The following XKR9 variants were observed in gnomAD, a reference collection of about 807,000 sequenced individuals.
XKR9 encodes XK-related protein 9.
A neutral mutation model predicts 32.0 loss-of-function variants in XKR9; 32 were observed. The ratio of observed to expected loss-of-function variants is 1.00; its 90% confidence interval spans 0.76 to 1.34. XKR9 has a LOEUF of 1.34. XKR9 is among the 40% of genes most tolerant of loss of function. The pLI, the probability that XKR9 is intolerant of heterozygous loss-of-function variation, is 0.00. For synonymous variants in XKR9, 168 were observed against 143.4 expected (o/e 1.17, Z -1.22); for missense variants, 546 against 429.7 (o/e 1.27, Z -2.39).
chr8:70,775,496 G>T (rs192832465), intron 2 of XKR9, among the ~76,000 whole-genome samples: 1 of 152,182 alleles, frequency 6.6e-6, no homozygotes, highest in African/African-American at 2.4e-5. Flanking sequence ...CCAGTTTTCT[G>T]AGATTTTAAA....
the XKR9 span, among the ~76,000 whole-genome samples, chr8:70,999,049 G>A: frequency 6.6e-6 from 1 of 152,018 alleles, no homozygotes; most frequent in African/African-American, 2.4e-5. Flanking sequence ...TAAATCTGTT[G>A]GTGAGGCTTT....
the XKR9 span, among the ~76,000 whole-genome samples, chr8:71,007,846 C>T: frequency 2.3e-3 from 342 of 151,312 alleles, 1 homozygote; most frequent in Non-Finnish European, 3.9e-3. Flanking sequence ...ATATTGCATA[C>T]GTAATAAAAA....
chr8:70,741,526 G>A (rs983433335), intron 2 of XKR9, among the ~76,000 whole-genome samples: 5 of 152,188 alleles, frequency 3.3e-5, no homozygotes, highest in African/African-American at 1.2e-4. Flanking sequence ...AGTTCGTTGA[G>A]CATAATGTCT....
the XKR9 span, among the ~76,000 whole-genome samples, chr8:70,899,356 A>G: frequency 6.6e-6 from 1 of 151,628 alleles, no homozygotes; most frequent in Non-Finnish European, 1.5e-5. Context: ...TGAGAAAACA[A>G]GAGAAATTGA....
intron 2 of XKR9, among the ~76,000 whole-genome samples, chr8:70,763,336 C>A (rs1355386984): frequency 6.6e-6 from 1 of 152,086 alleles, no homozygotes; most frequent in African/African-American, 2.4e-5. Context: ...ACTCTTTTGG[C>A]CTTTGTAGAA....
At chr8:70,752,637 A>G (rs1807158392) in intron 2 of XKR9, among the ~76,000 whole-genome samples, 1 of 152,204 alleles carries the variant, frequency 6.6e-6, no homozygotes, top group South Asian at 2.1e-4. Flanking sequence ...CGTCCACATG[A>G]GTTTTGGTGG....
chr8:70,819,544 TC>T, the XKR9 span, among the ~76,000 whole-genome samples: 1 of 152,226 alleles, frequency 6.6e-6, no homozygotes, highest in Non-Finnish European at 1.5e-5. Flanking sequence ...TATGACTCCA[TC>T]ACTTAACAAT....
At chr8:70,858,994 C>T in the XKR9 span, among the ~76,000 whole-genome samples, 2 of 151,842 alleles carry the variant, frequency 1.3e-5, no homozygotes, top group African/African-American at 4.8e-5. Context: ...TTGAGGCAAA[C>T]ATAGACAAAT....
At chr8:70,774,849 GT>G (rs1807498241) in intron 2 of XKR9, among the ~76,000 whole-genome samples, 2 of 152,090 alleles carry the variant, frequency 1.3e-5, no homozygotes, top group African/African-American at 4.8e-5. Flanking sequence ...TTTCAAAATT[GT>G]TTTTACTGTT....
chr8:71,018,117 T>C, the XKR9 span, among the ~76,000 whole-genome samples: 1 of 152,160 alleles, frequency 6.6e-6, no homozygotes, highest in African/African-American at 2.4e-5. Flanking sequence ...GTCACTTTCT[T>C]GTATCCAGAA....
chr8:70,916,830 T>C, the XKR9 span, among the ~76,000 whole-genome samples: 4 of 152,220 alleles, frequency 2.6e-5, no homozygotes, highest in East Asian at 5.8e-4. Context: ...TCTTCCTTAA[T>C]TTCCCTTAGC....
the XKR9 span, among the ~76,000 whole-genome samples, chr8:71,044,245 A>G: frequency 6.6e-6 from 1 of 152,184 alleles, no homozygotes; most frequent in East Asian, 1.9e-4. Context: ...CTCAAAAAAG[A>G]CTTTCCCATT....
chr8:70,864,759 G>C, the XKR9 span, among the ~76,000 whole-genome samples: 1 of 152,100 alleles, frequency 6.6e-6, no homozygotes, highest in East Asian at 1.9e-4. Flanking sequence ...GGAACCGTTT[G>C]CTGTCTCAGG....
chr8:71,049,208 C>A, the XKR9 span, among the ~76,000 whole-genome samples: 8 of 152,258 alleles, frequency 5.3e-5, no homozygotes, highest in African/African-American at 1.7e-4. Flanking sequence ...ATACAGCAAG[C>A]ATTAAGTGAG....
At chr8:70,890,490 C>T in the XKR9 span, among the ~76,000 whole-genome samples, 1 of 151,848 alleles carries the variant, frequency 6.6e-6, no homozygotes, top group Non-Finnish European at 1.5e-5. Context: ...CCTCCTATAC[C>T]TAACTTGTTG....
chr8:71,043,245 G>T, the XKR9 span, among the ~76,000 whole-genome samples: 2 of 152,188 alleles, frequency 1.3e-5, no homozygotes, highest in Admixed American at 1.3e-4. Context: ...AAGACAGAGG[G>T]TTTCTTTTGT....
rs201347600 is a variant in XKR9, at chr8:70,783,313, G to A, written n.353-6026G>A. 2.0e-5 allele frequency among the ~76,000 whole-genome samples: 3 copies of A among 151,132 alleles called. No individual in the cohort carries two copies. The East Asian group carries it at 5.8e-4, about 29-fold the overall frequency. On this transcript the variant is annotated intron_variant and non_coding_transcript_variant, in intron 2 of 3. Transcript: ENST00000520273. ...ATGATCTTGGCTCACTGCAAGCTCT[G>A]CCTCCTGGGTTCACGCCATTGTCCT...
At chr8:70,968,074 A>G in the XKR9 span, among the ~76,000 whole-genome samples, 2 of 152,218 alleles carry the variant, frequency 1.3e-5, no homozygotes, top group Non-Finnish European at 2.9e-5. Flanking sequence ...AGGTGCTCCA[A>G]TCAATCGTAA....
intron 4 of XKR9, among the ~76,000 whole-genome samples, chr8:70,708,546 A>G (rs114034469): frequency 0.012 from 1,762 of 152,226 alleles, 34 homozygotes; most frequent in African/African-American, 0.038. Context: ...TAATGACACA[A>G]GAAAGCAATT....
Sources: allele counts gnomAD v4.1 joint callset (sites outside exome capture counted in the v4.1 genomes callset), GRCh38; gene constraint gnomAD v4.1.1; transcripts MANE v1.5; gene names NCBI Gene and HGNC (gene_info 2026-07-23, HGNC 2026-07-21).